Variants in AP3B1 observed in about 807,000 individuals in gnomAD.
The protein encoded by AP3B1 is AP-3 complex subunit beta-1.
In AP3B1, 61 loss-of-function variants were observed where a neutral mutation model predicts 132.5. The observed-to-expected ratio is 0.46, with a 90% CI of 0.37 to 0.57. The LOEUF is 0.57. Among genes scored for constraint, AP3B1 ranks in the 20% least tolerant of loss-of-function variants. AP3B1 has a pLI of 0.00. For missense variants in AP3B1, 1,120 were observed against 1,289.4 expected, an observed-to-expected ratio of 0.87 and a Z score of 2.01; for synonymous variants, 388 against 438.3, an observed-to-expected ratio of 0.89 and a Z score of 1.43.
At chr5:78,093,307 C>A (rs987325405) in intron 21 of AP3B1, among the ~76,000 whole-genome samples, 6 of 152,170 alleles carry the variant, frequency 3.9e-5, no homozygotes, top group African/African-American at 1.4e-4. Context: ...AATCCTCCCG[C>A]CTTGGCCTCC....
intron 3 of AP3B1, among the ~76,000 whole-genome samples, chr5:78,229,570 T>TAAAAAAAAAAAAAA (rs747124764): frequency 1.1e-5 from 1 of 92,882 alleles, no homozygotes; most frequent in Admixed American, 9.3e-5. Flanking sequence ...CCATTTCTAG[T>TAAAAAAAAAAAAAA]AAAACAAAAA....
chr5:78,046,308 A>G (rs1235676884), intron 22 of AP3B1, among the ~76,000 whole-genome samples: 1 of 152,176 alleles, frequency 6.6e-6, no homozygotes, highest in Non-Finnish European at 1.5e-5. Flanking sequence ...TGCAAACCCT[A>G]TTGTGAACTG....
At chr5:78,038,432 C>G (rs966925668) in intron 23 of AP3B1, among the ~76,000 whole-genome samples, 2 of 152,044 alleles carry the variant, frequency 1.3e-5, no homozygotes, top group Non-Finnish European at 2.9e-5. Flanking sequence ...AATACACTAA[C>G]CCTAATGATA....
chr5:78,175,985 G>T, intron 9 of AP3B1, 147 bp from the exon 10 acceptor site: 1 of 690,634 alleles, frequency 1.4e-6, no homozygotes. Context: ...GTAAATCTTA[G>T]ATGTGTGTCT....
At chr5:78,165,818 C>T in intron 11 of AP3B1, 146 bp from the exon 12 acceptor site, 1 of 705,162 alleles carries the variant, frequency 1.4e-6, no homozygotes, top group Non-Finnish European at 2.5e-6. Context: ...CCTGTAATCC[C>T]AGCACTTTGG....
rs568171698 is a variant in AP3B1 at position 78,089,131 on chromosome 5, C to G, written c.2577+262G>C. 8 of 393,464 alleles carry G rather than the reference C, an allele frequency of 2.0e-5. No homozygotes were observed. In the East Asian group the frequency reaches 4.5e-4, roughly 22 times the overall value. 24.4% of individuals were successfully genotyped at this position (393,464 alleles called of 1,614,324 possible). On this transcript the variant is annotated intron_variant, in intron 22 of 26. Coordinates refer to ENST00000255194, the MANE Select transcript of AP3B1 (RefSeq NM_003664.5). ...GTACTGCGTCAATGTGGTGAAGAACCTTTGTATGTTACAGATATATAACAA... is the reference window on the plus strand; with the variant it reads ...GTACTGCGTCAATGTGGTGAAGAACGTTTGTATGTTACAGATATATAACAA...
chr5:78,177,190 A>C, intron 9 of AP3B1, 149 bp downstream of exon 9: 1 of 618,508 alleles, frequency 1.6e-6, no homozygotes, highest in East Asian at 2.9e-5. Flanking sequence ...AAAGACTTTT[A>C]TAATAATCCC....
chr5:78,181,460 G>A (rs761767913), intron 8 of AP3B1, 47 bp downstream of exon 8: 1 of 1,581,824 alleles, frequency 6.3e-7, no homozygotes, highest in East Asian at 2.2e-5. Flanking sequence ...TTTAATTGCT[G>A]TTTTTTAAAA....
intron 1 of AP3B1, among the ~76,000 whole-genome samples, chr5:78,292,396 T>C (rs1021231502): frequency 6.6e-6 from 1 of 152,244 alleles, no homozygotes; most frequent in Non-Finnish European, 1.5e-5. Context: ...TTTAAAGTTT[T>C]AAACTTTTTG....
At chr5:78,198,465 C>T (rs1291155208) in intron 7 of AP3B1, among the ~76,000 whole-genome samples, 2 of 152,096 alleles carry the variant, frequency 1.3e-5, no homozygotes, top group Admixed American at 6.6e-5. Flanking sequence ...GGTGTGTGGA[C>T]AGCTACCTCA....
At chr5:78,060,051 C>G (rs1018042731) in intron 22 of AP3B1, among the ~76,000 whole-genome samples, 4 of 151,730 alleles carry the variant, frequency 2.6e-5, no homozygotes, top group Non-Finnish European at 5.9e-5. Flanking sequence ...TAATAAAATA[C>G]CTAGGTTAGA....
At chr5:78,193,770 A>ATATATATATATATATATATTTT in intron 7 of AP3B1, among the ~76,000 whole-genome samples, 1 of 67,218 alleles carries the variant, frequency 1.5e-5, no homozygotes, top group African/African-American at 5.2e-5. Context: ...ATATATATAT[A>ATATATATATATATATATATTTT]TTTTTTTTTT....
intron 17 of AP3B1, among the ~76,000 whole-genome samples, chr5:78,121,130 G>A (rs1489813203): frequency 2.6e-5 from 4 of 152,106 alleles, no homozygotes; most frequent in African/African-American, 9.7e-5. Context: ...AAATAAAGAT[G>A]TTCTTTGAAA....
At chr5:78,258,941 G>GA in intron 2 of AP3B1, among the ~76,000 whole-genome samples, 1 of 152,250 alleles carries the variant, frequency 6.6e-6, no homozygotes, top group East Asian at 1.9e-4. Context: ...ACCAGGCACA[G>GA]AAAGACAAAC....
intron 13 of AP3B1, among the ~76,000 whole-genome samples, chr5:78,159,004 A>G (rs552877497): frequency 6.6e-6 from 1 of 152,272 alleles, no homozygotes; most frequent in East Asian, 1.9e-4. Context: ...CCCATAGGCA[A>G]GTATTACTTC....
intron 17 of AP3B1, among the ~76,000 whole-genome samples, chr5:78,116,796 C>A (rs1031710075): frequency 2.0e-5 from 3 of 152,060 alleles, no homozygotes; most frequent in Non-Finnish European, 2.9e-5. Flanking sequence ...CTGGACTACT[C>A]GTTACCTTGC....
intron 22 of AP3B1, among the ~76,000 whole-genome samples, chr5:78,075,477 C>T (rs1024530426): frequency 2.6e-5 from 4 of 152,196 alleles, no homozygotes; most frequent in African/African-American, 9.7e-5. Context: ...TCCTACAACA[C>T]AAACTGGGTC....
intron 1 of AP3B1, among the ~76,000 whole-genome samples, chr5:78,277,419 A>G (rs956520183): frequency 2.6e-5 from 4 of 152,172 alleles, no homozygotes; most frequent in Non-Finnish European, 4.4e-5. Context: ...GTAAAGAGGG[A>G]GAGAGCAAGG....
chr5:78,056,221 T>C (rs1216115546), intron 22 of AP3B1, among the ~76,000 whole-genome samples: 1 of 152,214 alleles, frequency 6.6e-6, no homozygotes, highest in Non-Finnish European at 1.5e-5. Context: ...ATCTGGGTTA[T>C]AGTTTGAACT....
Sources: allele counts gnomAD v4.1 joint callset (sites outside exome capture counted in the v4.1 genomes callset), GRCh38; gene constraint gnomAD v4.1.1; transcripts MANE v1.5; gene names NCBI Gene and HGNC (gene_info 2026-07-23, HGNC 2026-07-21).